The following SLC7A7 variants were observed in gnomAD, a reference collection of about 807,000 sequenced individuals.
The protein encoded by SLC7A7 is Y+L amino acid transporter 1.
In SLC7A7, 39 loss-of-function variants were observed where a neutral mutation model predicts 47.9. The ratio of observed to expected loss-of-function variants is 0.81; its 90% CI spans 0.63 to 1.06. The LOEUF is 1.06. Ranked by LOEUF, SLC7A7 falls within the 50% of genes least tolerant of loss-of-function variation. The pLI is 0.00. For synonymous variants in SLC7A7, 234 were observed against 242.8 expected (o/e 0.96, Z 0.34); for missense variants, 588 against 632.0 (o/e 0.93, Z 0.75).
chr14:22,796,390 C>T (rs1288657613), intron 2 of SLC7A7, among the ~76,000 whole-genome samples: 1 of 152,208 alleles, frequency 6.6e-6, no homozygotes, highest in Non-Finnish European at 1.5e-5. Flanking sequence ...CAGCAACCCT[C>T]AGCCCCCACC....
At chr14:22,805,557 G>A (rs1426686664) in intron 2 of SLC7A7, among the ~76,000 whole-genome samples, 1 of 152,156 alleles carries the variant, frequency 6.6e-6, no homozygotes, top group African/African-American at 2.4e-5. Context: ...AGTGGGAGCT[G>A]AACGGTGAGA....
intron 2 of SLC7A7, among the ~76,000 whole-genome samples, chr14:22,793,501 T>G (rs2038961951): frequency 2.0e-5 from 3 of 152,046 alleles, no homozygotes. Flanking sequence ...GGACTAACAT[T>G]AGCCACAAGA....
Position 22,775,453 on chromosome 14 carries a change from C to G in SLC7A7, c.1086G>C (p.Leu362=), listed in dbSNP as rs760611547. ...CCTTGAGTTCACTTACATTGAAGAG[C>G]AGAGAAGGCACTGGTGTGAACCGCT... ...HVERFTPVPS[L]LFNGIMALIY... The change falls in exon 7 of 10, where the codon CTG becomes CTC. Residue 362 remains leucine, a synonymous_variant. Transcript: ENST00000674313. 1.9e-6 allele frequency: 3 copies of G among 1,613,740 alleles called. No homozygotes were observed. In the African/African-American group the frequency reaches 4.0e-5, roughly 22 times the overall value.
At chr14:22,786,952 AT>A (rs929957966) in intron 2 of SLC7A7, among the ~76,000 whole-genome samples, 7 of 152,066 alleles carry the variant, frequency 4.6e-5, no homozygotes, top group East Asian at 1.9e-4. Flanking sequence ...AAAAAAAGTG[AT>A]TTTTTCCCCC....
intron 2 of SLC7A7, among the ~76,000 whole-genome samples, chr14:22,781,104 A>G (rs1461239791): frequency 6.6e-6 from 1 of 152,152 alleles, no homozygotes; most frequent in African/African-American, 2.4e-5. Flanking sequence ...CTGGAACACT[A>G]TAAGGAGGGC....
intron 2 of SLC7A7, among the ~76,000 whole-genome samples, chr14:22,798,211 CG>C (rs1290133172): frequency 6.6e-6 from 1 of 152,002 alleles, no homozygotes; most frequent in African/African-American, 2.4e-5. Context: ...GCAGGAGAAT[CG>C]CTTGAACCCA....
rs1350841635 is a variant in SLC7A7 at position 22,775,824 on chromosome 14, C to G, written c.998+9G>C. Reference sequence around the variant, plus strand: ...ATGATACACCCCTCACAAAAGTTGCCACTCTTACCTAGAAGCAGCCACAAT... The same window carrying G: ...ATGATACACCCCTCACAAAAGTTGCGACTCTTACCTAGAAGCAGCCACAAT... On this transcript the variant is annotated intron_variant, in intron 6 of 9. Transcript: ENST00000674313. 5 of 1,607,136 alleles carry G rather than the reference C, an allele frequency of 3.1e-6. No homozygotes were observed. The East Asian group carries it at 1.1e-4, about 36-fold the overall frequency.
intron 7 of SLC7A7, 115 bp from the exon 8 acceptor site, chr14:22,774,618 CTCT>C (rs2038559575): frequency 1.4e-6 from 2 of 1,399,558 alleles, no homozygotes; most frequent in Non-Finnish European, 2.0e-6. Context: ...TCTCCTGGTC[CTCT>C]TCTGGTTTTA....
At chr14:22,774,192 G>T in intron 8 of SLC7A7, 76 bp from the exon 9 acceptor site, 1 of 1,590,810 alleles carries the variant, frequency 6.3e-7, no homozygotes. Context: ...CCTCCCATAA[G>T]GATTAGCGCA....
rs147311020 is a variant in SLC7A7 at position 22,796,424 on chromosome 14, G to A, written c.500-16373C>T. The stretch of plus-strand genomic sequence containing the variant: ...CCAGCACCCTGAAAGGCAAAAGCAC[G>A]AAATACCCTTCTCAGCCAAGTTGAA... On this transcript the variant is annotated intron_variant, in intron 2 of 9. Transcript: ENST00000674313. Among the ~76,000 whole-genome samples the A allele has an allele frequency of 3.3e-3, 507 of 152,234 alleles. 2 individuals are homozygous for A. The highest frequency in any genetic ancestry group is 5.3e-3 in the Non-Finnish European group (360 of 68,020).
chr14:22,780,056 A>G lies in SLC7A7; in HGVS notation c.500-5T>C. 6.2e-7 allele frequency: 1 copy of G among 1,613,972 alleles called. No homozygotes were observed. Among genetic ancestry groups the G allele is most frequent in the Non-Finnish European group, 8.5e-7 (1 of 1,179,924 alleles). ...AGTTAATGAAGGTTAAGAGACCTGAAAGAAAAATAATACTGATTGGTGACT... is the reference window on the plus strand; with the variant it reads ...AGTTAATGAAGGTTAAGAGACCTGAGAGAAAAATAATACTGATTGGTGACT... On this transcript the variant is annotated splice_region_variant and splice_polypyrimidine_tract_variant and intron_variant, in intron 2 of 9. Coordinates refer to ENST00000674313, the MANE Select transcript of SLC7A7 (RefSeq NM_003982.4).
rs552413170 is a variant in SLC7A7, at chr14:22,780,587, C to G, written c.500-536G>C. 1.1e-4 allele frequency: 18 copies of G among 160,572 alleles called. No individual in the cohort carries two copies. The East Asian group carries it at 2.7e-3, about 24-fold the overall frequency. The allele number at this position is 160,572 out of a possible 1,614,324, so 9.9% of individuals were successfully genotyped here. A position where few individuals can be genotyped will look rare whatever the true frequency, so the allele number is the denominator to read the frequency against. ...TCCTGCCCACTGCCTGGCAGCTCAG[C>G]TGCCTGCTTTTGTGCTTGGAAAGAT... On this transcript the variant is annotated intron_variant, in intron 2 of 9. Coordinates refer to ENST00000674313, the MANE Select transcript of SLC7A7 (RefSeq NM_003982.4).
chr14:22,773,586 C>G lies in SLC7A7; in HGVS notation c.*24G>C. ...CCAGTAGACCAGAAACCCCTGCTTT[C>G]CACATCAGGATTCCAGATGGTGTTT... On this transcript the variant is annotated 3_prime_UTR_variant, in exon 10 of 10. Transcript: ENST00000674313. 1 of 1,594,620 alleles carries G rather than the reference C, an allele frequency of 6.3e-7. No individual in the cohort carries two copies. Among genetic ancestry groups the G allele is most frequent in the Non-Finnish European group, 8.6e-7 (1 of 1,162,096 alleles).
chr14:22,797,007 T>C (rs1037358744), intron 2 of SLC7A7, among the ~76,000 whole-genome samples: 7 of 152,332 alleles, frequency 4.6e-5, no homozygotes, highest in African/African-American at 1.7e-4. Context: ...CAGTAATAGA[T>C]ACTATTTTTA....
chr14:22,800,722 T>A (rs1426790884), intron 2 of SLC7A7, among the ~76,000 whole-genome samples: 1 of 152,084 alleles, frequency 6.6e-6, no homozygotes, highest in East Asian at 1.9e-4. Flanking sequence ...GTAGATCACC[T>A]GAGGTCAGGA....
intron 2 of SLC7A7, among the ~76,000 whole-genome samples, chr14:22,801,699 T>C (rs997282306): frequency 2.6e-5 from 4 of 152,190 alleles, no homozygotes; most frequent in African/African-American, 9.6e-5. Flanking sequence ...CTCTTGAACC[T>C]GGGAAGCAGA....
intron 8 of SLC7A7, 72 bp downstream of exon 8, chr14:22,774,281 CT>C: frequency 6.2e-7 from 1 of 1,611,336 alleles, no homozygotes; most frequent in Non-Finnish European, 8.5e-7. Flanking sequence ...AAATAAAGTG[CT>C]TTGTCATAGT....
Position 22,813,235 on chromosome 14 carries a change from A to T in SLC7A7, c.164T>A (p.Ile55Asn). 6.2e-7 allele frequency: 1 copy of T among 1,613,784 alleles called. No individual in the cohort carries two copies. Among genetic ancestry groups the T allele is most frequent in the Non-Finnish European group, 8.5e-7 (1 of 1,179,734 alleles). ...GAGCACACCCTTGGGGGAAACAAAG[A>T]TGCCCGAGCCGATCATGTTCCCCAC... ...LIVGNMIGSG[I>N]FVSPKGVLIY... is the part of the protein sequence containing the mutation. The change falls in exon 2 of 10, where the codon ATC becomes AAC. Residue 55 changes from isoleucine to asparagine, a missense_variant. Ile to Asn is a moderately radical substitution (Grantham distance 149, BLOSUM62 -3). Coordinates refer to ENST00000674313, the MANE Select transcript of SLC7A7 (RefSeq NM_003982.4).
intron 2 of SLC7A7, among the ~76,000 whole-genome samples, chr14:22,804,421 G>C (rs926003204): frequency 3.3e-5 from 5 of 152,064 alleles, no homozygotes; most frequent in African/African-American, 1.2e-4. Context: ...AGAGGGAAGA[G>C]ACAACCTCTA....
Sources: allele counts gnomAD v4.1 joint callset (sites outside exome capture counted in the v4.1 genomes callset), GRCh38; gene constraint gnomAD v4.1.1; transcripts MANE v1.5; gene names NCBI Gene and HGNC (gene_info 2026-07-23, HGNC 2026-07-21).